WASHC4: variants seen among roughly 807,000 people sequenced by gnomAD.
WASHC4 encodes the protein WASH complex subunit 7.
In WASHC4, 86 loss-of-function variants were observed where a neutral mutation model predicts 166.6. That is an observed-to-expected ratio of 0.52 (90% confidence interval 0.43 to 0.62). The LOEUF (loss-of-function observed/expected upper bound fraction) is 0.62, where lower values mean the gene tolerates loss of function less well. Ranked by LOEUF, WASHC4 falls within the 20% of genes least tolerant of loss-of-function variation. WASHC4 has a pLI of 0.00. For synonymous variants in WASHC4, 446 were observed against 451.6 expected (o/e 0.99, Z 0.16); for missense variants, 1,262 against 1,382.4 (o/e 0.91, Z 1.38).
At chr12:105,134,215 A>G (rs1882110100) in intron 14 of WASHC4, among the ~76,000 whole-genome samples, 1 of 152,122 alleles carries the variant, frequency 6.6e-6, no homozygotes, top group Non-Finnish European at 1.5e-5. Context: ...TTTGAAATAT[A>G]TGAGGATTTT....
In WASHC4 at chr12:105,162,729, A is replaced by G. The variant is rs1555241821; in HGVS notation, c.3061-20A>G. On this transcript the variant is annotated intron_variant, in intron 29 of 32. Coordinates refer to ENST00000332180, the MANE Select transcript of WASHC4 (RefSeq NM_015275.3). The stretch of plus-strand genomic sequence containing the variant: ...TTCTTAGCAAAATTGTTTTTCTAAC[A>G]TGTTGTTACATCTTTTTAGACCCTC... 16 of 1,292,554 alleles carry G rather than the reference A, an allele frequency of 1.2e-5. 1 individual carries two copies. In the East Asian group the frequency reaches 2.5e-4, roughly 21 times the overall value. 80.1% of individuals were successfully genotyped at this position (1,292,554 alleles called of 1,614,324 possible). A position where few individuals can be genotyped will look rare whatever the true frequency, so the allele number is the denominator to read the frequency against.
chr12:105,107,789 G>C lies in WASHC4; in HGVS notation c.-12G>C, dbSNP rs755439640. 2 of 1,549,184 alleles carry C rather than the reference G, an allele frequency of 1.3e-6. No homozygotes were observed. Among genetic ancestry groups the C allele is most frequent in the South Asian group, 2.4e-5 (2 of 83,984 alleles). The stretch of plus-strand genomic sequence containing the variant: ...GCTGGTTGGGGCTGTGTCTGTGGGA[G>C]GCGCCGGGGTGATGGCGGTGGAGAC... On this transcript the variant is annotated 5_prime_UTR_variant, in exon 1 of 33. Transcript: ENST00000332180.
intron 1 of WASHC4, among the ~76,000 whole-genome samples, chr12:105,110,026 A>G (rs989736412): frequency 3.9e-5 from 6 of 152,196 alleles, no homozygotes; most frequent in East Asian, 1.9e-4. Context: ...TGTAAGCTGT[A>G]GGGAAGAGAA....
At chr12:105,159,151 C>A (rs1884342942) in intron 28 of WASHC4, among the ~76,000 whole-genome samples, 1 of 152,134 alleles carries the variant, frequency 6.6e-6, no homozygotes, top group Admixed American at 6.5e-5. Flanking sequence ...AAGGATCAGA[C>A]CTTTACCTTA....
At chr12:105,157,734 T>C (rs925514942) in intron 28 of WASHC4, among the ~76,000 whole-genome samples, 1 of 152,222 alleles carries the variant, frequency 6.6e-6, no homozygotes, top group Non-Finnish European at 1.5e-5. Context: ...CTTTCTTATA[T>C]GTAATCTATA....
intron 6 of WASHC4, among the ~76,000 whole-genome samples, chr12:105,116,578 C>T (rs1335381365): frequency 6.6e-6 from 1 of 151,908 alleles, no homozygotes; most frequent in Admixed American, 6.6e-5. Flanking sequence ...AATAAAATAC[C>T]GTATATGGCA....
At chr12:105,127,320 A>G in intron 13 of WASHC4, 31 bp downstream of exon 13, 1 of 1,405,818 alleles carries the variant, frequency 7.1e-7, no homozygotes. Context: ...TAATGAAAAT[A>G]TTTAGATATC....
intron 28 of WASHC4, among the ~76,000 whole-genome samples, chr12:105,158,979 T>G (rs997322483): frequency 4.6e-5 from 7 of 152,202 alleles, no homozygotes; most frequent in African/African-American, 1.7e-4. Flanking sequence ...ATGCATGCAT[T>G]TCTGTGAGAA....
chr12:105,168,285 A>G lies in WASHC4; in HGVS notation c.*1354A>G, dbSNP rs985852399. On this transcript the variant is annotated 3_prime_UTR_variant, in exon 33 of 33. Coordinates refer to ENST00000332180, the MANE Select transcript of WASHC4 (RefSeq NM_015275.3). ...TGTTAAAAGTCAGAAGAGACAGAAT[A>G]TGTAGGAAATGTTTTTTGTTTATTA... is the stretch of plus-strand genomic sequence containing the variant. 6.6e-6 allele frequency: 1 copy of G among 152,540 alleles called. No individual in the cohort carries two copies. Among genetic ancestry groups the G allele is most frequent in the Non-Finnish European group, 1.5e-5 (1 of 67,940 alleles). 9.4% of individuals were successfully genotyped at this position (152,540 alleles called of 1,614,324 possible). A position where few individuals can be genotyped will look rare whatever the true frequency, so the allele number is the denominator to read the frequency against.
chr12:105,118,348 C>A, intron 6 of WASHC4, 98 bp from the exon 7 acceptor site: 1 of 883,808 alleles, frequency 1.1e-6, no homozygotes, highest in Non-Finnish European at 1.9e-6. Flanking sequence ...TATTGGAAAA[C>A]TGTTTTGTTT....
chr12:105,115,085 A>G, intron 4 of WASHC4, 99 bp from the exon 5 acceptor site: 2 of 651,448 alleles, frequency 3.1e-6, no homozygotes, highest in Non-Finnish European at 2.8e-6. Context: ...CAAATGATGT[A>G]GCCCTCTGTT....
At chr12:105,114,309 TTTAG>T in intron 3 of WASHC4, 40 bp downstream of exon 3, 1 of 1,599,106 alleles carries the variant, frequency 6.3e-7, no homozygotes, top group Non-Finnish European at 8.6e-7. Flanking sequence ...TTAAAAATGT[TTTAG>T]TTATCTGTAA....
chr12:105,155,701 C>T (rs1222783895), intron 26 of WASHC4, among the ~76,000 whole-genome samples: 4 of 14,318 alleles, frequency 2.8e-4, no homozygotes, highest in East Asian at 1.8e-3. Flanking sequence ...ATTAGCCGGG[C>T]GTGGTGGCGG....
rs747634692 is a variant in WASHC4 at position 105,133,792 on chromosome 12, T to C, written c.1222T>C (p.Phe408Leu). The C allele has an allele frequency of 1.2e-6, 2 of 1,612,622 alleles. No homozygotes were observed. Among genetic ancestry groups the C allele is most frequent in the Non-Finnish European group, 1.7e-6 (2 of 1,178,976 alleles). The change falls in exon 14 of 33, where the codon TTT (phenylalanine) becomes CTT (leucine). Residue 408 changes from phenylalanine (F) to leucine (L), a missense_variant. Phe to Leu is a conservative substitution (Grantham distance 22). Coordinates refer to ENST00000332180, the MANE Select transcript of WASHC4 (RefSeq NM_015275.3). ...LTKDVQSYYV[F>L]VSSWMMKMES... The stretch of plus-strand genomic sequence containing the variant: ...TAGAGATGTACAGTCTTACTACGTC[T>C]TTGTGAGCTCATGGATGATGAAAAT...
chr12:105,113,524 A>G (rs1040860791), intron 2 of WASHC4, among the ~76,000 whole-genome samples: 2 of 152,056 alleles, frequency 1.3e-5, no homozygotes, highest in Non-Finnish European at 2.9e-5. Flanking sequence ...TGTTTTTACT[A>G]TACAAGGTTC....
intron 16 of WASHC4, among the ~76,000 whole-genome samples, 194 bp from the exon 17 acceptor site, chr12:105,140,705 A>G (rs1383124765): frequency 6.6e-6 from 1 of 152,216 alleles, no homozygotes; most frequent in Non-Finnish European, 1.5e-5. Context: ...AGTATGCCTA[A>G]TACATTTGCT....
intron 18 of WASHC4, among the ~76,000 whole-genome samples, chr12:105,141,500 A>G (rs1882848206): frequency 6.6e-6 from 1 of 152,210 alleles, no homozygotes; most frequent in South Asian, 2.1e-4. Context: ...CATCTGGCCG[A>G]CTTTGATGCA....
intron 28 of WASHC4, 76 bp downstream of exon 28, chr12:105,157,398 A>C (rs1884239042): frequency 1.3e-6 from 1 of 795,086 alleles, no homozygotes; most frequent in Non-Finnish European, 2.1e-6. Context: ...GGTAATATGT[A>C]ATTTTTATGC....
At chr12:105,109,604 A>G (rs530660942) in intron 1 of WASHC4, among the ~76,000 whole-genome samples, 11 of 150,676 alleles carry the variant, frequency 7.3e-5, no homozygotes, top group Non-Finnish European at 8.8e-5. Context: ...ATCCCTGAAC[A>G]TACTAAAGGA....
Sources: allele counts gnomAD v4.1 joint callset (sites outside exome capture counted in the v4.1 genomes callset), GRCh38; gene constraint gnomAD v4.1.1; transcripts MANE v1.5; gene names NCBI Gene and HGNC (gene_info 2026-07-23, HGNC 2026-07-21).